The following ATP13A4 variants were observed in gnomAD, a reference collection of about 807,000 sequenced individuals.
ATP13A4 encodes the protein probable cation-transporting ATPase 13A4.
A neutral mutation model predicts 142.5 loss-of-function variants in ATP13A4; 114 were observed. That is an observed-to-expected ratio of 0.80 (90% CI 0.69 to 0.93). The LOEUF is 0.93. Among genes scored for constraint, ATP13A4 ranks in the 40% least tolerant of loss-of-function variants. The pLI is 0.00. For synonymous variants in ATP13A4, 488 were observed against 514.8 expected, an observed-to-expected ratio of 0.95 and a Z score of 0.70; for missense variants, 1,392 against 1,454.0, an observed-to-expected ratio of 0.96 and a Z score of 0.69.
At chr3:193,558,733 A>T (rs1449319247), upstream of ATP13A4, among the ~76,000 whole-genome samples, 1 of 152,214 alleles carries the variant, frequency 6.6e-6, no homozygotes, top group Non-Finnish European at 1.5e-5. Context: ...GCTCGCACAC[A>T]GCCCATTCTG....
At chr3:193,489,624 C>T in intron 7 of ATP13A4, 106 bp downstream of exon 7, 1 of 1,256,380 alleles carries the variant, frequency 8.0e-7, no homozygotes, top group Non-Finnish European at 1.1e-6. Context: ...CTCTCATTTA[C>T]TACGGAGTAG....
At chr3:193,526,438 C>T (rs568500561) in intron 1 of ATP13A4, among the ~76,000 whole-genome samples, 52 of 152,156 alleles carry the variant, frequency 3.4e-4, no homozygotes, top group Middle Eastern at 3.4e-3. Context: ...ACACAACACA[C>T]GTTGGGGCCT....
chr3:193,482,963 T>G (rs955578688), intron 8 of ATP13A4, among the ~76,000 whole-genome samples: 1 of 152,154 alleles, frequency 6.6e-6, no homozygotes, highest in African/African-American at 2.4e-5. Flanking sequence ...ACACCATTCC[T>G]TGGAATAGCC....
intron 1 of ATP13A4, among the ~76,000 whole-genome samples, chr3:193,531,339 G>A (rs1577056980): frequency 1.5e-5 from 2 of 136,060 alleles, no homozygotes; most frequent in Non-Finnish European, 3.2e-5. Context: ...AGGAAGGAAG[G>A]GAGGAAGAGA....
rs1162649078 is a variant in ATP13A4, at chr3:193,502,122, AT to A, written c.381+370del. ...GCCACTGCACTCCAGCCTGGGCAACATAGTGAGATCCTACCTCTAACAAAAG... is the reference window on the plus strand; with the variant it reads ...GCCACTGCACTCCAGCCTGGGCAACAAGTGAGATCCTACCTCTAACAAAAG... On this transcript the variant is annotated intron_variant, in intron 3 of 29. Transcript: ENST00000342695. Among the ~76,000 whole-genome samples the A allele has an allele frequency of 5.9e-5, 9 of 152,252 alleles. 1 individual carries two copies. Among genetic ancestry groups the A allele is most frequent in the Non-Finnish European group, 1.2e-4 (8 of 68,042 alleles).
intron 7 of ATP13A4, among the ~76,000 whole-genome samples, chr3:193,488,109 C>T (rs1032180816): frequency 1.3e-5 from 2 of 152,038 alleles, no homozygotes; most frequent in Non-Finnish European, 2.9e-5. Flanking sequence ...ACTAAAAATA[C>T]AAAAATTAGC....
chr3:193,464,914 T>C (rs1314556061), intron 12 of ATP13A4, 26 bp downstream of exon 12: 9 of 1,605,994 alleles, frequency 5.6e-6, no homozygotes, highest in African/African-American at 4.0e-5. Flanking sequence ...AAAATGATGA[T>C]AAGAATAAGG....
intron 25 of ATP13A4, among the ~76,000 whole-genome samples, chr3:193,425,024 A>T (rs1383670283): frequency 1.3e-5 from 2 of 149,212 alleles, no homozygotes; most frequent in Non-Finnish European, 3.0e-5. Flanking sequence ...TAATTCAATT[A>T]AAAAATGGAA....
At chr3:193,562,950 C>T (rs558173640) in intron 2 of ATP13A4, among the ~76,000 whole-genome samples, 2 of 152,156 alleles carry the variant, frequency 1.3e-5, no homozygotes, top group South Asian at 4.2e-4. Flanking sequence ...AAAAATTTGG[C>T]AAGTTGCTAA....
At chr3:193,454,620 G>T (rs1261824844) in intron 16 of ATP13A4, among the ~76,000 whole-genome samples, 14 of 152,116 alleles carry the variant, frequency 9.2e-5, no homozygotes. Flanking sequence ...CATGGGGAAA[G>T]GCTTTCCCAT....
chr3:193,427,222 A>G (rs991934063), intron 25 of ATP13A4, among the ~76,000 whole-genome samples: 2 of 152,142 alleles, frequency 1.3e-5, no homozygotes, highest in African/African-American at 4.8e-5. Context: ...AGAGAATAAA[A>G]TACCTAGGAA....
At chr3:193,442,164 G>A (rs1375561015) in intron 19 of ATP13A4, among the ~76,000 whole-genome samples, 10 of 152,150 alleles carry the variant, frequency 6.6e-5, no homozygotes, top group Non-Finnish European at 2.9e-5. Flanking sequence ...CTCATATAGG[G>A]ACAACCACTT....
intron 7 of ATP13A4, 100 bp downstream of exon 7, chr3:193,489,630 A>C (rs1719830457): frequency 7.8e-7 from 1 of 1,284,394 alleles, no homozygotes; most frequent in South Asian, 1.2e-5. Context: ...TTTACTACGG[A>C]GTAGGAAGTG....
chr3:193,549,585 T>A (rs1018875361), intron 1 of ATP13A4, among the ~76,000 whole-genome samples: 8 of 152,118 alleles, frequency 5.3e-5, no homozygotes, highest in Non-Finnish European at 2.9e-5. Context: ...ATTCCAGCAC[T>A]CTGGGAGGCC....
At chr3:193,587,696 T>C (rs1472256538) in intron 1 of ATP13A4, among the ~76,000 whole-genome samples, 1 of 152,230 alleles carries the variant, frequency 6.6e-6, no homozygotes, top group Non-Finnish European at 1.5e-5. Context: ...GGATTTTCTA[T>C]GTAATCAGTC....
At chr3:193,576,550 C>T (rs751409866) in intron 2 of ATP13A4, among the ~76,000 whole-genome samples, 8 of 152,014 alleles carry the variant, frequency 5.3e-5, no homozygotes, top group Non-Finnish European at 1.0e-4. Flanking sequence ...GGATTACAGG[C>T]GTGAGCCACC....
chr3:193,433,451 A>G (rs1355960249), intron 25 of ATP13A4, among the ~76,000 whole-genome samples: 1 of 152,192 alleles, frequency 6.6e-6, no homozygotes, highest in Non-Finnish European at 1.5e-5. Flanking sequence ...CTAAATCCTG[A>G]GAGGCTAAGA....
At chr3:193,513,380 T>C (rs1560246101) in intron 2 of ATP13A4, among the ~76,000 whole-genome samples, 1 of 152,236 alleles carries the variant, frequency 6.6e-6, no homozygotes, top group African/African-American at 2.4e-5. Context: ...GTTTGATTTA[T>C]CAACAATTTG....
chr3:193,422,806 A>T (rs1320909784), intron 25 of ATP13A4, among the ~76,000 whole-genome samples: 1 of 149,698 alleles, frequency 6.7e-6, no homozygotes, highest in Non-Finnish European at 1.5e-5. Flanking sequence ...CCTAATGTTG[A>T]ACCTCAAGGA....
Sources: allele counts gnomAD v4.1 joint callset (sites outside exome capture counted in the v4.1 genomes callset), GRCh38; gene constraint gnomAD v4.1.1; transcripts MANE v1.5; gene names NCBI Gene and HGNC (gene_info 2026-07-23, HGNC 2026-07-21).